The following ZC3H7A variants were observed in gnomAD, a reference collection of about 807,000 sequenced individuals.
The protein encoded by ZC3H7A is zinc finger CCCH-type containing 7A, also known as zinc finger CCCH domain-containing protein 7A.
Under a neutral mutation model 125.5 loss-of-function variants are expected in ZC3H7A, and 44 were observed. The ratio of observed to expected loss-of-function variants is 0.35; its 90% confidence interval spans 0.28 to 0.45. The LOEUF is 0.45. ZC3H7A is among the 20% of genes least tolerant of loss of function. The probability of loss-of-function intolerance (pLI) is 1.00; values close to 1 mark genes in which losing one functional copy is unlikely to be tolerated. For synonymous variants in ZC3H7A, 399 were observed against 391.2 expected (o/e 1.02, Z -0.23); for missense variants, 977 against 1,170.7 (o/e 0.83, Z 2.41).
At chr16:11,783,716 G>A (rs1365000240) in intron 1 of ZC3H7A, among the ~76,000 whole-genome samples, 2 of 152,172 alleles carry the variant, frequency 1.3e-5, no homozygotes, top group Admixed American at 6.5e-5. Flanking sequence ...ACTCATGTTT[G>A]AAGTACATTG....
intron 16 of ZC3H7A, 179 bp from the exon 17 acceptor site, chr16:11,762,926 T>C (rs1296875133): frequency 5.4e-5 from 29 of 534,450 alleles, no homozygotes; most frequent in Non-Finnish European, 5.6e-5. Context: ...CAAATACAGC[T>C]CTTTGTGCCT....
At chr16:11,782,534 C>A (rs752105386) in intron 1 of ZC3H7A, 146 bp from the exon 2 acceptor site, 23 of 650,416 alleles carry the variant, frequency 3.5e-5, no homozygotes, top group Non-Finnish European at 5.1e-5. Flanking sequence ...ACGGCAGGGA[C>A]CGTACAGGAG....
At chr16:11,752,938 C>T in intron 21 of ZC3H7A, 106 bp from the exon 22 acceptor site, 2 of 1,436,536 alleles carry the variant, frequency 1.4e-6, no homozygotes, top group Non-Finnish European at 1.9e-6. Flanking sequence ...ACATAAAACT[C>T]AGGTTAGAAA....
intron 4 of ZC3H7A, among the ~76,000 whole-genome samples, chr16:11,777,460 G>C (rs892146457): frequency 4.6e-5 from 7 of 152,170 alleles, no homozygotes; most frequent in Non-Finnish European, 1.0e-4. Flanking sequence ...GTGCCTCACA[G>C]CTGTAGTCCC....
Position 11,761,477 on chromosome 16 carries a change from A to T in ZC3H7A, c.2248T>A (p.Ser750Thr), listed in dbSNP as rs771974682. ...TTCATCCACTTCTTACGTTCAATAG[A>T]CATCACTCTCATCGCACGCCGGTCT... ...TKDRRAMRVM[S>T]IERKKWMNIR... Residue 750 changes from serine (S) to threonine (T), a missense_variant, in exon 19 of 23, where the codon TCT (serine) becomes ACT (threonine). Physicochemically the swap from Ser to Thr is moderately conservative, Grantham distance 58. Transcript: ENST00000355758. 1.2e-5 allele frequency: 19 copies of T among 1,614,124 alleles called. No individual in the cohort carries two copies. The highest frequency in any genetic ancestry group is 1.6e-5 in the Non-Finnish European group (19 of 1,180,014).
At chr16:11,784,945 G>A (rs2053233158) in intron 1 of ZC3H7A, among the ~76,000 whole-genome samples, 1 of 151,622 alleles carries the variant, frequency 6.6e-6, no homozygotes, top group Non-Finnish European at 1.5e-5. Context: ...GATCACCTGA[G>A]GTCAGGAGTT....
intron 20 of ZC3H7A, among the ~76,000 whole-genome samples, chr16:11,757,112 G>A (rs979202704): frequency 2.6e-5 from 4 of 152,150 alleles, no homozygotes; most frequent in Non-Finnish European, 5.9e-5. Context: ...CCCACTAGAT[G>A]CCTGAGCAAC....
At chr16:11,771,792 C>T (rs2052987777) in intron 9 of ZC3H7A, among the ~76,000 whole-genome samples, 1 of 152,156 alleles carries the variant, frequency 6.6e-6, no homozygotes, top group East Asian at 1.9e-4. Context: ...TGAGCCACTG[C>T]ACCCAGCTAG....
chr16:11,789,808 T>C (rs891293698), intron 1 of ZC3H7A, among the ~76,000 whole-genome samples: 2 of 151,904 alleles, frequency 1.3e-5, no homozygotes, highest in Non-Finnish European at 2.9e-5. Flanking sequence ...AGGCCAGCCA[T>C]GGTGGCTCAC....
intron 13 of ZC3H7A, among the ~76,000 whole-genome samples, chr16:11,767,184 T>C (rs2052874789): frequency 6.6e-6 from 1 of 152,198 alleles, no homozygotes; most frequent in Admixed American, 6.5e-5. Flanking sequence ...TGTGTTACAG[T>C]AGCCTCAGTA....
At chr16:11,762,550 C>CTGAA (rs747835658) in intron 17 of ZC3H7A, 121 bp downstream of exon 17, 7 of 911,184 alleles carry the variant, frequency 7.7e-6, no homozygotes, top group Non-Finnish European at 1.0e-5. Context: ...AATGACTCAC[C>CTGAA]TGAATGAATA....
At chr16:11,789,127 G>A (rs951457972) in intron 1 of ZC3H7A, among the ~76,000 whole-genome samples, 3 of 152,156 alleles carry the variant, frequency 2.0e-5, no homozygotes, top group African/African-American at 7.2e-5. Context: ...GTGACAGTGT[G>A]CTACAGTTAT....
chr16:11,778,607 C>T (rs1037630683), intron 4 of ZC3H7A, among the ~76,000 whole-genome samples: 1 of 152,146 alleles, frequency 6.6e-6, no homozygotes, highest in Admixed American at 6.5e-5. Flanking sequence ...TAAGCAGACA[C>T]ACCTTCAAAA....
chr16:11,776,807 C>T lies in ZC3H7A; in HGVS notation c.409G>A (p.Gly137Arg). 1 of 1,613,742 alleles carries T rather than the reference C, an allele frequency of 6.2e-7. No individual in the cohort carries two copies. The change falls in exon 5 of 23, where the codon GGA (glycine) becomes AGA (arginine). Residue 137 changes from glycine to arginine, a missense_variant. Gly to Arg is a moderately radical substitution (Grantham distance 125). This residue lies in a region of ZC3H7A where 199 missense variants were observed against 256.1 expected (regional missense o/e 0.78). Transcript: ENST00000355758. ...GCATCGTAAGCCTTTTTGTATCTTC[C>T]TAAATCACTTAAAGCCTTAGATTTC... Reference protein sequence around the residue: ...YRKSKALSDLGRYKKAYDAVA... With the variant: ...YRKSKALSDLRRYKKAYDAVA...
At position 11,779,211 on chromosome 16, in the gene ZC3H7A, T is replaced by A. The variant is rs1288082958; in HGVS notation, c.261A>T (p.Ile87=). 6.2e-7 allele frequency: 1 copy of A among 1,609,806 alleles called. No individual in the cohort carries two copies. Among genetic ancestry groups the A allele is most frequent in the Non-Finnish European group, 8.5e-7 (1 of 1,176,622 alleles). ...TACGATTTATATATAGTTTTTCAAT[T>A]ATTTCTTTGGGGATTAAAATTTCTT... ...KSEEILIPKE[I]IEKLYINRIA... The change falls in exon 4 of 23, where the codon ATA becomes ATT. Residue 87 remains isoleucine (I), a synonymous_variant. Coordinates refer to ENST00000355758, the MANE Select transcript of ZC3H7A (RefSeq NM_014153.4).
At position 11,768,356 on chromosome 16, in the gene ZC3H7A, T is replaced by C. The variant is rs1351575910; in HGVS notation, c.1319A>G (p.His440Arg). Reference sequence around the variant, plus strand: ...GATCTGGCAAGCTTGTCTCAATTCATGGGTTCCTTCGAGGGGATGTCTTGG... The same window carrying C: ...GATCTGGCAAGCTTGTCTCAATTCACGGGTTCCTTCGAGGGGATGTCTTGG... ...VTPRHPLEGT[H>R]ELRQACQICF... Residue 440 changes from histidine (H) to arginine (R), a missense_variant, in exon 12 of 23, where the codon CAT (histidine) becomes CGT (arginine). His to Arg is a conservative substitution (Grantham distance 29). Around this residue, in one of 3 missense-constraint regions of ZC3H7A, gnomAD observed 342 missense variants for 311.3 expected, o/e 1.10. Transcript: ENST00000355758. 1 of 1,585,840 alleles carries C rather than the reference T, an allele frequency of 6.3e-7. No individual in the cohort carries two copies. Among genetic ancestry groups the C allele is most frequent in the East Asian group, 2.2e-5 (1 of 44,540 alleles).
In ZC3H7A at chr16:11,762,695, C is replaced by A; in HGVS notation, c.2055G>T (p.Leu685Phe). 1 of 1,613,978 alleles carries A rather than the reference C, an allele frequency of 6.2e-7. No homozygotes were observed. Among genetic ancestry groups the A allele is most frequent in the Non-Finnish European group, 8.5e-7 (1 of 1,180,002 alleles). ...AQESKRYWQN[L>F]EANVPGAQVL... is the part of the protein sequence containing the mutation. The stretch of plus-strand genomic sequence containing the variant: ...CCTGCGCTCCAGGTACATTTGCTTC[C>A]AAATTCTGCCAATATCGTTTAGACT... Residue 685 changes from leucine (L) to phenylalanine (F), a missense_variant, in exon 17 of 23, where the codon TTG becomes TTT. Leu to Phe is a conservative substitution (Grantham distance 22). This residue lies in a region of ZC3H7A where 436 missense variants were observed against 603.2 expected (regional missense o/e 0.72). Transcript: ENST00000355758.
At chr16:11,795,439 T>C (rs117908332) in intron 1 of ZC3H7A, among the ~76,000 whole-genome samples, 36 of 152,332 alleles carry the variant, frequency 2.4e-4, no homozygotes, top group African/African-American at 7.9e-4. Context: ...TATGTATGTA[T>C]GTACGCATGT....
At chr16:11,774,789 A>C (rs1272674784) in intron 8 of ZC3H7A, among the ~76,000 whole-genome samples, 191 bp downstream of exon 8, 1 of 152,194 alleles carries the variant, frequency 6.6e-6, no homozygotes, top group Admixed American at 6.5e-5. Flanking sequence ...CTAACATCCA[A>C]CACTTTTCAG....
Sources: gnomAD v4.1 joint callset for allele counts (sites outside exome capture counted in the v4.1 genomes callset) on GRCh38, gnomAD v4.1.1 for gene constraint, gnomAD v4.1.1 regional missense constraint, MANE v1.5 for transcripts, NCBI Gene and HGNC (gene_info 2026-07-23, HGNC 2026-07-21) for gene names.